The following CAST variants were observed in gnomAD, a reference collection of about 807,000 sequenced individuals.
CAST encodes calpastatin.
CAST carries 76 observed loss-of-function variants against 119.6 expected under a neutral mutation model. That is an observed-to-expected ratio of 0.64 (90% CI 0.53 to 0.77). The LOEUF is 0.77. Among genes scored for constraint, CAST ranks in the 30% least tolerant of loss-of-function variants. The pLI, the probability that CAST is intolerant of heterozygous loss-of-function variation, is 0.00. For missense variants in CAST, 953 were observed against 946.5 expected, an observed-to-expected ratio of 1.01 and a Z score of -0.09; for synonymous variants, 319 against 331.6, an observed-to-expected ratio of 0.96 and a Z score of 0.41.
the CAST span, among the ~76,000 whole-genome samples, chr5:96,017,035 A>G: frequency 6.6e-6 from 1 of 151,834 alleles, no homozygotes; most frequent in Non-Finnish European, 1.5e-5. Context: ...ACAGAGTTTC[A>G]CCGTGTTAGC....
At chr5:96,648,587 G>A (rs951230831) in intron 1 of CAST, among the ~76,000 whole-genome samples, 11 of 151,952 alleles carry the variant, frequency 7.2e-5, no homozygotes, top group Admixed American at 7.2e-4. Context: ...TCTTTAAGTG[G>A]CAACATCTTT....
the CAST span, among the ~76,000 whole-genome samples, chr5:96,321,669 G>T: frequency 2.6e-4 from 39 of 152,288 alleles, no homozygotes; most frequent in African/African-American, 9.4e-4. Flanking sequence ...GAGGCAAATT[G>T]CCCAAGATCA....
At chr5:96,286,026 G>T in the CAST span, among the ~76,000 whole-genome samples, 2 of 152,200 alleles carry the variant, frequency 1.3e-5, no homozygotes, top group African/African-American at 4.8e-5. Flanking sequence ...AAAGCTAGTT[G>T]CAGGTTTTAT....
the CAST span, among the ~76,000 whole-genome samples, chr5:96,345,764 C>T: frequency 6.6e-6 from 1 of 152,114 alleles, no homozygotes; most frequent in African/African-American, 2.4e-5. Context: ...ACTTCAGTTC[C>T]CTGCTGGCTG....
chr5:96,024,012 G>A, the CAST span, among the ~76,000 whole-genome samples: 20 of 152,218 alleles, frequency 1.3e-4, no homozygotes, highest in African/African-American at 3.6e-4. Flanking sequence ...GCCAAGAAAT[G>A]AATTTGCTAA....
intron 16 of CAST, chr5:96,743,683 C>A (rs26505): frequency 1.2e-6 from 2 of 1,612,642 alleles, no homozygotes; most frequent in Admixed American, 1.7e-5. Flanking sequence ...CAGTGTGGCA[C>A]GATAAGCTTT....
the CAST span, among the ~76,000 whole-genome samples, chr5:96,518,285 C>A: frequency 1.1e-4 from 16 of 152,310 alleles, no homozygotes; most frequent in Non-Finnish European, 2.2e-4. Context: ...TCCTCCTCTA[C>A]AGATATTATA....
intron 1 of CAST, among the ~76,000 whole-genome samples, chr5:96,599,859 T>C (rs1747113298): frequency 6.6e-6 from 1 of 152,104 alleles, no homozygotes; most frequent in African/African-American, 2.4e-5. Context: ...GAGGGAAGTC[T>C]TTTTCCTTTT....
chr5:96,737,642 C>T (rs184728018), intron 10 of CAST, among the ~76,000 whole-genome samples: 21 of 152,284 alleles, frequency 1.4e-4, no homozygotes, highest in African/African-American at 5.1e-4. Context: ...CTGAATGTGG[C>T]TTTTCATCTT....
chr5:96,214,725 T>G, the CAST span: 3 of 152,188 alleles, frequency 2.0e-5, no homozygotes, highest in Non-Finnish European at 2.9e-5. Context: ...GGTGGTGGTA[T>G]GCACTGTGAT....
the CAST span, among the ~76,000 whole-genome samples, chr5:96,389,124 G>A: frequency 6.6e-6 from 1 of 152,064 alleles, no homozygotes; most frequent in Non-Finnish European, 1.5e-5. Context: ...GGGAGATATA[G>A]GTCAAATAGT....
In CAST at chr5:96,622,857, CTTTTTTT is replaced by C. The variant is rs5869727; in HGVS notation, c.61-52664_61-52658del. ...TAAGAAGTTAAGGACTTATGGGACT[CTTTTTTT>C]TTTTTTTTTTTTTTTTTGAGACGGA... On this transcript the variant is annotated intron_variant, in intron 1 of 11. Coordinates refer to the CAST transcript ENST00000505143. Among the ~76,000 whole-genome samples the C allele has an allele frequency of 1.4e-3, 92 of 64,474 alleles. 4 individuals are homozygous for C. The South Asian group carries it at 0.037, about 26-fold the overall frequency. 42.3% of individuals were successfully genotyped at this position (64,474 alleles called of 152,430 possible).
At chr5:96,276,774 T>C in the CAST span, among the ~76,000 whole-genome samples, 1 of 152,224 alleles carries the variant, frequency 6.6e-6, no homozygotes, top group Non-Finnish European at 1.5e-5. Context: ...AATATTATCC[T>C]TTTCCCATCT....
chr5:96,116,362 CT>C, the CAST span, among the ~76,000 whole-genome samples: 1 of 152,146 alleles, frequency 6.6e-6, no homozygotes, highest in African/African-American at 2.4e-5. Context: ...TGATGGACAT[CT>C]GGGTTATTTC....
the CAST span, among the ~76,000 whole-genome samples, chr5:96,167,202 GATT>G: frequency 1.3e-5 from 2 of 152,196 alleles, no homozygotes; most frequent in Non-Finnish European, 2.9e-5. Context: ...TGCCAGCAAA[GATT>G]ATTTATTTAC....
chr5:96,504,524 CT>C, the CAST span, among the ~76,000 whole-genome samples: 21,182 of 146,280 alleles, frequency 0.14, 1,949 homozygotes, highest in East Asian at 0.29. Context: ...GCTTAGAATA[CT>C]TTTTTTTTTT....
At chr5:96,232,221 TG>T in the CAST span, among the ~76,000 whole-genome samples, 1 of 152,038 alleles carries the variant, frequency 6.6e-6, no homozygotes, top group Non-Finnish European at 1.5e-5. Context: ...CTGATATCTC[TG>T]GAGGATGAGA....
chr5:96,150,984 G>A, the CAST span, among the ~76,000 whole-genome samples: 1 of 152,224 alleles, frequency 6.6e-6, no homozygotes, highest in Non-Finnish European at 1.5e-5. Context: ...ACAAAGATGG[G>A]AGGAGGTGGA....
the CAST span, among the ~76,000 whole-genome samples, chr5:95,991,422 T>C: frequency 6.6e-6 from 1 of 151,502 alleles, no homozygotes; most frequent in Non-Finnish European, 1.5e-5. Context: ...AGTTAATGGG[T>C]ACAAACATAC....
Sources: allele counts gnomAD v4.1 joint callset (sites outside exome capture counted in the v4.1 genomes callset), GRCh38; gene constraint gnomAD v4.1.1; transcripts MANE v1.5; gene names NCBI Gene and HGNC (gene_info 2026-07-23, HGNC 2026-07-21).